The following ESCO2 variants were observed in gnomAD, a reference collection of about 807,000 sequenced individuals.
The protein encoded by ESCO2 is N-acetyltransferase ESCO2.
Under a neutral mutation model 61.7 loss-of-function variants are expected in ESCO2, and 51 were observed. That is an observed-to-expected ratio of 0.83 (90% confidence interval 0.66 to 1.04). ESCO2 has a LOEUF of 1.04. Among genes scored for constraint, ESCO2 ranks in the 50% least tolerant of loss-of-function variants. The pLI, the probability that ESCO2 is intolerant of heterozygous loss-of-function variation, is 0.00. For synonymous variants in ESCO2, 230 were observed against 238.2 expected (o/e 0.97, Z 0.32); for missense variants, 692 against 686.2 (o/e 1.01, Z -0.09).
intron 10 of ESCO2, among the ~76,000 whole-genome samples, chr8:27,802,346 T>C (rs1939526398): frequency 6.6e-6 from 1 of 151,170 alleles, no homozygotes; most frequent in Non-Finnish European, 1.5e-5. Flanking sequence ...CTGTAATCCC[T>C]GTACTTTGGG....
Position 27,776,585 on chromosome 8 carries a change from T to C in ESCO2, c.277T>C (p.Tyr93His). The change falls in exon 3 of 11, where the codon TAC becomes CAC. Residue 93 changes from tyrosine (Y) to histidine (H), a missense_variant. Coordinates refer to ENST00000305188, the MANE Select transcript of ESCO2 (RefSeq NM_001017420.3). ...ATCTTTTTACAACCAAAATAAGTGG[T>C]ACCTCAATCCACTGGAGAGAAAGCT... is the stretch of plus-strand genomic sequence containing the variant. ...TVSFYNQNKW[Y>H]LNPLERKLIK... 6.2e-7 allele frequency: 1 copy of C among 1,614,144 alleles called. No homozygotes were observed. The highest frequency in any genetic ancestry group is 2.2e-5 in the East Asian group (1 of 44,872).
intron 9 of ESCO2, among the ~76,000 whole-genome samples, chr8:27,795,791 C>T (rs1805282832): frequency 6.6e-6 from 1 of 152,126 alleles, no homozygotes; most frequent in Non-Finnish European, 1.5e-5. Flanking sequence ...TATGGTGTAA[C>T]ACATTGATGT....
chr8:27,777,090 C>G lies in ESCO2; in HGVS notation c.782C>G (p.Pro261Arg), dbSNP rs1230084185. Residue 261 changes from proline to arginine, a missense_variant, in exon 3 of 11, where the codon CCA (proline) becomes CGA (arginine). Coordinates refer to ENST00000305188, the MANE Select transcript of ESCO2 (RefSeq NM_001017420.3). ...AAAACTTTTGCGACAAGGCAAGTGC[C>G]AAAGTGCTTGGTCCTAGAAGAGAAA... ...EKKTFATRQV[P>R]KCLVLEEKLK... The G allele has an allele frequency of 6.2e-7, 1 of 1,602,646 alleles. No homozygotes were observed. The highest frequency in any genetic ancestry group is 8.5e-7 in the Non-Finnish European group (1 of 1,177,462).
rs1805207373 is a variant in ESCO2 at position 27,792,791 on chromosome 8, A to G, written c.1477A>G (p.Ile493Val). 12 of 1,604,298 alleles carry G rather than the reference A, an allele frequency of 7.5e-6. No individual in the cohort carries two copies. Among genetic ancestry groups the G allele is most frequent in the Non-Finnish European group, 9.3e-6 (11 of 1,177,020 alleles). The part of the protein sequence containing the change: ...SDEKRVVGCL[I>V]AEPIKQAFRV... ...TGAAAAGAGAGTAGTTGGGTGTTTA[A>G]TTGCAGAACCCATCAAACAGGTATG... The change falls in exon 9 of 11, where the codon ATT becomes GTT. Residue 493 changes from isoleucine to valine, a missense_variant. Coordinates refer to ENST00000305188, the MANE Select transcript of ESCO2 (RefSeq NM_001017420.3).
upstream of ESCO2, chr8:27,774,433 G>A (rs1804733012): frequency 6.6e-6 from 1 of 152,248 alleles, no homozygotes; most frequent in Non-Finnish European, 1.5e-5. Flanking sequence ...ACAGCCACCA[G>A]GGTGGGCGGG....
At chr8:27,791,865 T>C (rs1805182595) in intron 7 of ESCO2, 98 bp from the exon 8 acceptor site, 1 of 994,576 alleles carries the variant, frequency 1.0e-6, no homozygotes, top group East Asian at 2.5e-5. Flanking sequence ...ATATCTATTA[T>C]TGTTTAGCCT....
In ESCO2 at chr8:27,803,455, A is replaced by T; in HGVS notation, c.*17A>T. 1 of 1,611,998 alleles carries T rather than the reference A, an allele frequency of 6.2e-7. No homozygotes were observed. The highest frequency in any genetic ancestry group is 8.5e-7 in the Non-Finnish European group (1 of 1,178,284). On this transcript the variant is annotated 3_prime_UTR_variant, in exon 11 of 11. Coordinates refer to ENST00000305188, the MANE Select transcript of ESCO2 (RefSeq NM_001017420.3). ...AATAGTTAAAGCTGATTTCAGTTAT[A>T]AAGGAGTTACTATCTGGATAAGTTC...
rs533321506 is a variant in ESCO2, at chr8:27,800,135, C to A, written c.1673+419C>A. 2.6e-5 allele frequency among the ~76,000 whole-genome samples: 4 copies of A among 152,214 alleles called. No homozygotes were observed. The East Asian group carries it at 7.7e-4, about 29-fold the overall frequency. ...AAAAATTACAGAAGCTGTACATGGT[C>A]ATTGATAGTGACTAGATAATGAAGA... On this transcript the variant is annotated intron_variant, in intron 10 of 10. Coordinates refer to ENST00000305188, the MANE Select transcript of ESCO2 (RefSeq NM_001017420.3).
chr8:27,789,227 C>G (rs1805119174), intron 7 of ESCO2, among the ~76,000 whole-genome samples: 3 of 152,040 alleles, frequency 2.0e-5, no homozygotes, highest in Admixed American at 6.6e-5. Context: ...TTATAGGTAG[C>G]CTTAGGAAAA....
At chr8:27,797,922 AT>A in intron 9 of ESCO2, among the ~76,000 whole-genome samples, 1 of 152,316 alleles carries the variant, frequency 6.6e-6, no homozygotes, top group East Asian at 1.9e-4. Context: ...GTAGACTGTT[AT>A]GTCCTGATAA....
At chr8:27,773,606 C>G (rs1009936532), upstream of ESCO2, 2 of 151,786 alleles carry the variant, frequency 1.3e-5, no homozygotes, top group East Asian at 3.9e-4. Context: ...TGACTTCATT[C>G]TATGAAATTG....
At chr8:27,801,305 A>G (rs1805418454) in intron 10 of ESCO2, among the ~76,000 whole-genome samples, 1 of 152,214 alleles carries the variant, frequency 6.6e-6, no homozygotes, top group Non-Finnish European at 1.5e-5. Flanking sequence ...GTTACAAACC[A>G]GTAAGCACAC....
chr8:27,810,309 A>G (rs992870595), downstream of ESCO2: 1 of 1,605,226 alleles, frequency 6.2e-7, no homozygotes. Flanking sequence ...TGATCACTAG[A>G]CATCTGTTTC....
At chr8:27,776,334 T>C (rs1804787964) in intron 2 of ESCO2, 28 bp from the exon 3 acceptor site, 1 of 1,569,770 alleles carries the variant, frequency 6.4e-7, no homozygotes, top group African/African-American at 1.3e-5. Flanking sequence ...AAAATAATCT[T>C]ATCAATGGAC....
intron 3 of ESCO2, 160 bp from the exon 4 acceptor site, chr8:27,780,014 T>G (rs1462715475): frequency 3.3e-6 from 2 of 602,436 alleles, no homozygotes; most frequent in African/African-American, 3.7e-5. Flanking sequence ...AGGGGAAGTT[T>G]TCCTAAAAAT....
At chr8:27,775,657 C>T in intron 2 of ESCO2, 90 bp downstream of exon 2, 1 of 1,211,668 alleles carries the variant, frequency 8.3e-7, no homozygotes, top group African/African-American at 1.5e-5. Context: ...TTTCGTTCTT[C>T]CACTAGCCTA....
chr8:27,796,807 A>T (rs909589710), intron 9 of ESCO2, among the ~76,000 whole-genome samples: 1 of 152,212 alleles, frequency 6.6e-6, no homozygotes, highest in Non-Finnish European at 1.5e-5. Context: ...TGTTAGGTCC[A>T]TTAGGTCTGA....
the ESCO2 span, among the ~76,000 whole-genome samples, chr8:27,818,979 A>G: frequency 6.6e-6 from 1 of 152,168 alleles, no homozygotes; most frequent in African/African-American, 2.4e-5. Flanking sequence ...CTCTTTTCTC[A>G]CTAATACAAA....
chr8:27,810,016 A>C, downstream of ESCO2: 1 of 331,144 alleles, frequency 3.0e-6, no homozygotes. Context: ...CATTCAATTT[A>C]ATGTTACAGT....
Sources: allele counts gnomAD v4.1 joint callset (sites outside exome capture counted in the v4.1 genomes callset), GRCh38; gene constraint gnomAD v4.1.1; transcripts MANE v1.5; gene names NCBI Gene and HGNC (gene_info 2026-07-23, HGNC 2026-07-21).